The following ARHGAP25 variants were observed in gnomAD, a reference collection of about 807,000 sequenced individuals.
ARHGAP25 encodes rho GTPase-activating protein 25.
A neutral mutation model predicts 71.0 loss-of-function variants in ARHGAP25; 34 were observed. The ratio of observed to expected loss-of-function variants is 0.48; its 90% CI spans 0.36 to 0.64. The LOEUF is 0.64. Among genes scored for constraint, ARHGAP25 ranks in the 30% least tolerant of loss-of-function variants. The pLI is 0.00. For synonymous variants in ARHGAP25, 282 were observed against 296.5 expected (o/e 0.95, Z 0.50); for missense variants, 706 against 805.1 (o/e 0.88, Z 1.49).
chr2:68,723,370 C>A (rs1674810632), intron 2 of ARHGAP25, among the ~76,000 whole-genome samples: 1 of 152,190 alleles, frequency 6.6e-6, no homozygotes, highest in Admixed American at 6.5e-5. Context: ...TGGTGGGATG[C>A]AGCCCAGCTC....
At chr2:68,799,895 A>T (rs75466185) in intron 4 of ARHGAP25, among the ~76,000 whole-genome samples, 5,598 of 152,224 alleles carry the variant, frequency 0.037, 143 homozygotes, top group Non-Finnish European at 0.056. Context: ...GGAAGGCCTG[A>T]GGCTGGCTCA....
intron 2 of ARHGAP25, among the ~76,000 whole-genome samples, chr2:68,717,048 T>C (rs1374442008): frequency 6.6e-6 from 1 of 152,168 alleles, no homozygotes; most frequent in Non-Finnish European, 1.5e-5. Flanking sequence ...GATTTCATTG[T>C]GCAAATGTCA....
intron 1 of ARHGAP25, among the ~76,000 whole-genome samples, chr2:68,742,162 C>G (rs998920586): frequency 6.6e-6 from 1 of 152,180 alleles, no homozygotes; most frequent in African/African-American, 2.4e-5. Context: ...TGGATCTCAG[C>G]TCTGGATGGG....
Position 68,819,286 on chromosome 2 carries a change from C to A in ARHGAP25, c.1167C>A (p.Leu389=). 1 of 1,614,166 alleles carries A rather than the reference C, an allele frequency of 6.2e-7. No homozygotes were observed. Among genetic ancestry groups the A allele is most frequent in the East Asian group, 2.2e-5 (1 of 44,878 alleles). ...SSVGWDATED[L]RISRTDSFSS... is the part of the protein sequence containing the mutation. ...TAGGCTGGGATGCCACTGAAGACCT[C>A]CGAATTTCTAGGACAGACAGCTTCA... The change falls in exon 9 of 11, where the codon CTC becomes CTA. Residue 389 remains leucine, a synonymous_variant. Transcript: ENST00000409202.
chr2:68,762,550 C>G (rs1415186895), intron 1 of ARHGAP25, among the ~76,000 whole-genome samples: 1 of 152,086 alleles, frequency 6.6e-6, no homozygotes, highest in Non-Finnish European at 1.5e-5. Flanking sequence ...GGACCGCATC[C>G]TGGGGTCCCG....
intron 1 of ARHGAP25, among the ~76,000 whole-genome samples, chr2:68,747,331 T>C (rs1482102891): frequency 1.3e-5 from 2 of 152,172 alleles, no homozygotes; most frequent in African/African-American, 4.8e-5. Flanking sequence ...GCCACATCAT[T>C]CGTGGAGCCT....
chr2:68,773,604 G>T (rs9309422), intron 1 of ARHGAP25, among the ~76,000 whole-genome samples: 127,898 of 152,198 alleles, frequency 0.84, 54,137 homozygotes, highest in African/African-American at 0.88. Context: ...CCCACCATTA[G>T]GCGATGGACT....
At position 68,826,285 on chromosome 2, in the gene ARHGAP25, TCTC is replaced by T. The variant is rs1296452409; in HGVS notation, c.*92_*94del. ...TCTGATGACGGGGAAACAAAATTAT[TCTC>T]TGAGAGGGAAAGGACATTTGAGGGA... On this transcript the variant is annotated 3_prime_UTR_variant, in exon 11 of 11. Transcript: ENST00000409202. 1 of 1,193,978 alleles carries T rather than the reference TCTC, an allele frequency of 8.4e-7. No individual in the cohort carries two copies. The highest frequency in any genetic ancestry group is 1.8e-5 in the Admixed American group (1 of 55,188). The allele number at this position is 1,193,978 out of a possible 1,614,324, so 74.0% of individuals were successfully genotyped here. A position where few individuals can be genotyped will look rare whatever the true frequency, so the allele number is the denominator to read the frequency against.
intron 3 of ARHGAP25, among the ~76,000 whole-genome samples, chr2:68,783,437 CTTGT>C (rs1217713184): frequency 1.3e-5 from 2 of 151,356 alleles, no homozygotes; most frequent in African/African-American, 2.4e-5. Flanking sequence ...TAGATGCTTG[CTTGT>C]TTGTTTTTTT....
Position 68,720,607 on chromosome 2 carries a change from C to T in ARHGAP25, c.-18+9909C>T, listed in dbSNP as rs114038745. On this transcript the variant is annotated intron_variant and NMD_transcript_variant, in intron 2 of 7. Transcript: ENST00000463483. Reference sequence around the variant, plus strand: ...AATTTGTAGGCTATTTTCTAATAGACTTTCTCTACGCTAGATGTTTTGGGG... The same window carrying T: ...AATTTGTAGGCTATTTTCTAATAGATTTTCTCTACGCTAGATGTTTTGGGG... Among the ~76,000 whole-genome samples the T allele has an allele frequency of 3.8e-3, 585 of 152,278 alleles. 2 individuals are homozygous for T. Among genetic ancestry groups the T allele is most frequent in the African/African-American group, 0.014 (566 of 41,564 alleles).
chr2:68,718,549 GTA>G (rs1491023471), intron 2 of ARHGAP25, among the ~76,000 whole-genome samples: 2 of 142,366 alleles, frequency 1.4e-5, no homozygotes, highest in Non-Finnish European at 3.1e-5. Flanking sequence ...GTGTGTGTGT[GTA>G]TGTATAGATA....
At chr2:68,813,088 AT>A (rs2103664403) in intron 5 of ARHGAP25, among the ~76,000 whole-genome samples, 198 bp from the exon 6 acceptor site, 2 of 152,332 alleles carry the variant, frequency 1.3e-5, no homozygotes, top group African/African-American at 4.8e-5. Context: ...ACAGAGGAAC[AT>A]TTATTCAAGA....
At chr2:68,792,311 C>T (rs2104411495) in intron 4 of ARHGAP25, among the ~76,000 whole-genome samples, 1 of 152,258 alleles carries the variant, frequency 6.6e-6, no homozygotes, top group South Asian at 2.1e-4. Context: ...TTGTTACATG[C>T]ATAGATTATG....
intron 4 of ARHGAP25, among the ~76,000 whole-genome samples, chr2:68,792,284 G>A (rs1238226330): frequency 6.6e-6 from 1 of 152,156 alleles, no homozygotes; most frequent in East Asian, 1.9e-4. Flanking sequence ...ATAAATTTAT[G>A]GAGTACAGGT....
chr2:68,818,927 G>A (rs1681431902), intron 8 of ARHGAP25, among the ~76,000 whole-genome samples, 196 bp from the exon 9 acceptor site: 1 of 152,170 alleles, frequency 6.6e-6, no homozygotes, highest in Non-Finnish European at 1.5e-5. Flanking sequence ...CTACTCCCGT[G>A]TCCTTCTGTT....
intron 2 of ARHGAP25, among the ~76,000 whole-genome samples, chr2:68,725,250 C>G (rs1339824225): frequency 6.6e-6 from 1 of 152,192 alleles, no homozygotes; most frequent in Non-Finnish European, 1.5e-5. Flanking sequence ...AAGGTCTCCG[C>G]TTTTACCCTT....
At chr2:68,797,544 G>A (rs1679645513) in intron 4 of ARHGAP25, among the ~76,000 whole-genome samples, 1 of 152,152 alleles carries the variant, frequency 6.6e-6, no homozygotes, top group South Asian at 2.1e-4. Flanking sequence ...GGATGGTGGT[G>A]TGCCTGGTTG....
intron 1 of ARHGAP25, among the ~76,000 whole-genome samples, chr2:68,746,711 C>G (rs899993437): frequency 7.0e-5 from 10 of 143,848 alleles, no homozygotes; most frequent in South Asian, 2.2e-4. Flanking sequence ...CCACCCCCCT[C>G]CCCATCCCCA....
rs965344867 is a variant in ARHGAP25 at position 68,813,198 on chromosome 2, T to C, written c.675-89T>C. 13 of 1,420,546 alleles carry C rather than the reference T, an allele frequency of 9.2e-6. No homozygotes were observed. The Admixed American group carries it at 3.0e-4, about 33-fold the overall frequency. 88.0% of individuals were successfully genotyped at this position (1,420,546 alleles called of 1,614,324 possible). On this transcript the variant is annotated intron_variant, in intron 5 of 10. Transcript: ENST00000409202. ...AATTTCCCTTTGTAATTTATGGTTC[T>C]ATTCACTGAATCATCAGAATGGAAG...
Sources: allele counts gnomAD v4.1 joint callset (sites outside exome capture counted in the v4.1 genomes callset), GRCh38; gene constraint gnomAD v4.1.1; transcripts MANE v1.5; gene names NCBI Gene and HGNC (gene_info 2026-07-23, HGNC 2026-07-21).